The following ROPN1L variants were observed in gnomAD, a reference collection of about 807,000 sequenced individuals.
ROPN1L encodes rhophilin associated tail protein 1 like.
ROPN1L carries 23 observed loss-of-function variants against 22.7 expected under a neutral mutation model. The ratio of observed to expected loss-of-function variants is 1.01; its 90% CI spans 0.73 to 1.43. The LOEUF (loss-of-function observed/expected upper bound fraction) is 1.43. Among genes scored for constraint, ROPN1L ranks in the 40% most tolerant of loss-of-function variants. ROPN1L has a pLI of 0.00. For missense variants in ROPN1L, 271 were observed against 291.5 expected (o/e 0.93, Z 0.51); for synonymous variants, 116 against 117.8 (o/e 0.98, Z 0.10).
chr5:10,456,811 C>T (rs1329198577), intron 3 of ROPN1L, among the ~76,000 whole-genome samples: 1 of 152,146 alleles, frequency 6.6e-6, no homozygotes, highest in African/African-American at 2.4e-5. Flanking sequence ...GGAAGTGATG[C>T]TCGAGTGTTT....
chr5:10,472,875 A>C (rs1490989457), downstream of ROPN1L, among the ~76,000 whole-genome samples: 1 of 152,188 alleles, frequency 6.6e-6, no homozygotes, highest in Non-Finnish European at 1.5e-5. Flanking sequence ...GTCCAACACC[A>C]CACAGTGGTC....
downstream of ROPN1L, among the ~76,000 whole-genome samples, chr5:10,474,535 C>G (rs553049621): frequency 5.9e-5 from 9 of 152,254 alleles, no homozygotes; most frequent in Non-Finnish European, 1.2e-4. Flanking sequence ...GACCTCAGCT[C>G]TACACTGCCA....
intron 3 of ROPN1L, among the ~76,000 whole-genome samples, chr5:10,451,125 A>G (rs1398342096): frequency 6.6e-6 from 1 of 152,252 alleles, no homozygotes; most frequent in African/African-American, 2.4e-5. Context: ...ATAGATGAAC[A>G]ATTTGATTTT....
In ROPN1L at chr5:10,442,067, G is replaced by A; in HGVS notation, c.-101G>A. 6.6e-7 allele frequency: 1 copy of A among 1,508,792 alleles called. No individual in the cohort carries two copies. Among genetic ancestry groups the A allele is most frequent in the Non-Finnish European group, 9.0e-7 (1 of 1,112,038 alleles). 93.5% of individuals were successfully genotyped at this position (1,508,792 alleles called of 1,614,324 possible). A position where few individuals can be genotyped will look rare whatever the true frequency, so the allele number is the denominator to read the frequency against. ...GGATGGGAGGCGGCCCTGGCCGCAA[G>A]CCCCGCGCTGCTAGCGGGTCCACCG... On this transcript the variant is annotated 5_prime_UTR_variant, in exon 1 of 5. Coordinates refer to ENST00000274134, the MANE Select transcript of ROPN1L (RefSeq NM_031916.5).
chr5:10,446,489 C>T (rs560373573), intron 1 of ROPN1L, among the ~76,000 whole-genome samples: 15 of 152,140 alleles, frequency 9.9e-5, no homozygotes, highest in African/African-American at 3.4e-4. Flanking sequence ...GGTGAAACCC[C>T]GTCTCTAATA....
intron 3 of ROPN1L, among the ~76,000 whole-genome samples, chr5:10,458,106 G>A (rs1317154240): frequency 2.0e-5 from 3 of 152,068 alleles, no homozygotes; most frequent in African/African-American, 7.3e-5. Flanking sequence ...ACAACTGCTG[G>A]AAACTTAGCA....
intron 3 of ROPN1L, among the ~76,000 whole-genome samples, chr5:10,457,893 C>T (rs10462659): frequency 6.6e-6 from 1 of 152,070 alleles, no homozygotes; most frequent in Non-Finnish European, 1.5e-5. Flanking sequence ...TCCCTGCAGG[C>T]GATTCCCCAG....
chr5:10,454,675 C>T (rs543675474), intron 3 of ROPN1L, among the ~76,000 whole-genome samples: 1 of 152,352 alleles, frequency 6.6e-6, no homozygotes, highest in South Asian at 2.1e-4. Flanking sequence ...CATCATTCTT[C>T]GTTTACAACC....
chr5:10,450,378 A>G (rs867133388), intron 3 of ROPN1L, among the ~76,000 whole-genome samples: 3 of 152,254 alleles, frequency 2.0e-5, no homozygotes, highest in South Asian at 2.1e-4. Context: ...TTTTAGAAGA[A>G]AATGCATCAA....
the ROPN1L span, chr5:10,477,893 G>T: frequency 6.6e-6 from 1 of 152,204 alleles, no homozygotes; most frequent in Non-Finnish European, 1.5e-5. Flanking sequence ...TCACACTACT[G>T]CACTCCAGCC....
intron 1 of ROPN1L, among the ~76,000 whole-genome samples, chr5:10,443,617 AG>A (rs1393192707): frequency 6.6e-6 from 1 of 150,408 alleles, no homozygotes; most frequent in Admixed American, 6.6e-5. Context: ...CGACAGAGCG[AG>A]ACTCCGTCTC....
intron 4 of ROPN1L, among the ~76,000 whole-genome samples, chr5:10,470,745 G>A (rs371716243): frequency 6.6e-5 from 10 of 152,366 alleles, no homozygotes; most frequent in African/African-American, 2.4e-4. Flanking sequence ...TTAGCAGGGC[G>A]TGATCAGGAG....
At chr5:10,458,136 C>T (rs1466672490) in intron 3 of ROPN1L, among the ~76,000 whole-genome samples, 1 of 152,078 alleles carries the variant, frequency 6.6e-6, no homozygotes, top group African/African-American at 2.4e-5. Context: ...TGAGCCGGCT[C>T]CAGCACAGCA....
At chr5:10,468,447 T>C (rs993886472), downstream of ROPN1L, among the ~76,000 whole-genome samples, 2 of 152,248 alleles carry the variant, frequency 1.3e-5, no homozygotes, top group African/African-American at 4.8e-5. Flanking sequence ...TTTTGACTCT[T>C]CTTGTTACAA....
downstream of ROPN1L, among the ~76,000 whole-genome samples, chr5:10,475,134 C>T (rs1009186449): frequency 4.6e-5 from 7 of 152,106 alleles, no homozygotes; most frequent in African/African-American, 1.7e-4. Context: ...GACGCCTTTC[C>T]CTGGTGCCAT....
intron 1 of ROPN1L, among the ~76,000 whole-genome samples, chr5:10,444,364 C>T (rs752622032): frequency 2.8e-4 from 42 of 152,074 alleles, no homozygotes; most frequent in Non-Finnish European, 5.6e-4. Context: ...GATCTCGGCT[C>T]ACGGCAACCT....
At chr5:10,480,868 C>T in the ROPN1L span, among the ~76,000 whole-genome samples, 1 of 152,156 alleles carries the variant, frequency 6.6e-6, no homozygotes, top group African/African-American at 2.4e-5. Flanking sequence ...AAAAGCCAGA[C>T]AACCTAGCTC....
chr5:10,454,125 T>C (rs1227904689), intron 3 of ROPN1L, among the ~76,000 whole-genome samples: 1 of 78,780 alleles, frequency 1.3e-5, no homozygotes, highest in Non-Finnish European at 4.2e-5. Context: ...GTGGCTTTTA[T>C]TTAATTTTTT....
At chr5:10,454,764 G>T (rs2126448672) in intron 3 of ROPN1L, among the ~76,000 whole-genome samples, 1 of 152,316 alleles carries the variant, frequency 6.6e-6, no homozygotes, top group Middle Eastern at 3.4e-3. Context: ...GGTTTAACCG[G>T]GTGCGGGAGT....
Sources: allele counts gnomAD v4.1 joint callset (sites outside exome capture counted in the v4.1 genomes callset), GRCh38; gene constraint gnomAD v4.1.1; transcripts MANE v1.5; gene names NCBI Gene and HGNC (gene_info 2026-07-23, HGNC 2026-07-21).